Variants in PLXDC1 observed in about 807,000 individuals in gnomAD.
The protein encoded by PLXDC1 is plexin domain containing 1.
In PLXDC1, 39 loss-of-function variants were observed where a neutral mutation model predicts 61.3. The observed-to-expected ratio is 0.64, with a 90% CI of 0.49 to 0.83. The LOEUF is 0.83. Among genes scored for constraint, PLXDC1 ranks in the 40% least tolerant of loss-of-function variants. The pLI, the probability that PLXDC1 is intolerant of heterozygous loss-of-function variation, is 0.00. For missense variants in PLXDC1, 596 were observed against 666.5 expected (o/e 0.89, Z 1.17); for synonymous variants, 212 against 254.5 (o/e 0.83, Z 1.59).
At chr17:39,084,077 C>T (rs115744447) in intron 8 of PLXDC1, among the ~76,000 whole-genome samples, 2,783 of 152,218 alleles carry the variant, frequency 0.018, 84 homozygotes, top group African/African-American at 0.064. Flanking sequence ...AGAACTGTCA[C>T]GAGGTCTATG....
At chr17:39,092,433 G>A (rs1044196737) in intron 7 of PLXDC1, among the ~76,000 whole-genome samples, 7 of 152,192 alleles carry the variant, frequency 4.6e-5, no homozygotes, top group African/African-American at 1.4e-4. Flanking sequence ...CTACTTAAAC[G>A]AGAAAACTAC....
chr17:39,136,394 G>T (rs1347478234), intron 2 of PLXDC1, among the ~76,000 whole-genome samples: 2 of 152,144 alleles, frequency 1.3e-5, no homozygotes, highest in Non-Finnish European at 2.9e-5. Flanking sequence ...ATAATATTTT[G>T]ATGAACAGAA....
At chr17:39,113,728 G>A (rs1319481585) in intron 2 of PLXDC1, among the ~76,000 whole-genome samples, 1 of 152,082 alleles carries the variant, frequency 6.6e-6, no homozygotes, top group Non-Finnish European at 1.5e-5. Context: ...GTGCATGCCT[G>A]TAGTCCCAGC....
chr17:39,068,918 T>C (rs1423571950), intron 13 of PLXDC1, among the ~76,000 whole-genome samples: 1 of 152,160 alleles, frequency 6.6e-6, no homozygotes, highest in Non-Finnish European at 1.5e-5. Flanking sequence ...GGGGAACTCG[T>C]AAGAAGCCAG....
At chr17:39,087,731 G>A in intron 7 of PLXDC1, 29 bp from the exon 8 acceptor site, 1 of 1,551,432 alleles carries the variant, frequency 6.4e-7, no homozygotes, top group African/African-American at 1.4e-5. Flanking sequence ...CTGTTGTCAG[G>A]AGCATATCAC....
At chr17:39,106,648 CTTTCTTTTTTT>C (rs1910601321) in intron 6 of PLXDC1, among the ~76,000 whole-genome samples, 1 of 122,592 alleles carries the variant, frequency 8.2e-6, no homozygotes, top group Admixed American at 8.4e-5. Context: ...TTTTCTTTTT[CTTTCTTTTTTT>C]TTTTTTTTGA....
intron 2 of PLXDC1, among the ~76,000 whole-genome samples, chr17:39,113,833 C>T (rs1461718025): frequency 1.4e-5 from 2 of 143,562 alleles, no homozygotes; most frequent in South Asian, 2.3e-4. Context: ...CTGAGTGACA[C>T]AGTGAGACTC....
chr17:39,139,640 CCT>C lies in PLXDC1; in HGVS notation c.255+12_255+13del. 11 of 1,509,284 alleles carry C rather than the reference CCT, an allele frequency of 7.3e-6. No homozygotes were observed. Among genetic ancestry groups the C allele is most frequent in the Non-Finnish European group, 1.0e-5 (11 of 1,103,836 alleles). The allele number at this position is 1,509,284 out of a possible 1,614,324, so 93.5% of individuals were successfully genotyped here. ...CCCCACTTCGCTCCCCCTCCATGTTCCTCCAGCACTCACCACCACCCTGGTCC... is the reference window on the plus strand; with the variant it reads ...CCCCACTTCGCTCCCCCTCCATGTTCCCAGCACTCACCACCACCCTGGTCC... On this transcript the variant is annotated intron_variant, in intron 2 of 13. Coordinates refer to ENST00000315392, the MANE Select transcript of PLXDC1 (RefSeq NM_020405.5).
rs149079440 is a variant in PLXDC1, at chr17:39,147,358, A to G, written c.76+4004T>C. Among the ~76,000 whole-genome samples, 524 of 152,220 alleles carry G rather than the reference A, an allele frequency of 3.4e-3. 10 individuals are homozygous for G. The highest frequency in any genetic ancestry group is 0.028 in the Admixed American group (421 of 15,292). On this transcript the variant is annotated intron_variant, in intron 1 of 13. Transcript: ENST00000315392. The stretch of plus-strand genomic sequence containing the variant: ...TTGGCCACCCCACCCCAAACCCCAT[A>G]AAACCTCTAGCCCCAAATGCTGCCC...
At chr17:39,150,760 C>A (rs948813952) in intron 1 of PLXDC1, among the ~76,000 whole-genome samples, 1 of 152,136 alleles carries the variant, frequency 6.6e-6, no homozygotes, top group Non-Finnish European at 1.5e-5. Flanking sequence ...AGGAGGGGGA[C>A]TCTTGAGGCT....
chr17:39,146,175 A>G (rs1343858753), intron 1 of PLXDC1, among the ~76,000 whole-genome samples: 1 of 151,614 alleles, frequency 6.6e-6, no homozygotes, highest in African/African-American at 2.4e-5. Flanking sequence ...GGTTCAAGCA[A>G]TTCTCCTGCC....
intron 2 of PLXDC1, chr17:39,126,943 C>T (rs962464163): frequency 2.6e-5 from 4 of 152,116 alleles, no homozygotes; most frequent in African/African-American, 7.2e-5. Flanking sequence ...CTGAGGACTC[C>T]GACATTCCAC....
intron 7 of PLXDC1, among the ~76,000 whole-genome samples, chr17:39,094,911 C>T (rs1910092733): frequency 6.6e-6 from 1 of 152,174 alleles, no homozygotes; most frequent in African/African-American, 2.4e-5. Flanking sequence ...AGGATTTCTC[C>T]ACCTGCAAGG....
At chr17:39,074,705 C>T (rs1263741804) in intron 11 of PLXDC1, among the ~76,000 whole-genome samples, 1 of 152,166 alleles carries the variant, frequency 6.6e-6, no homozygotes, top group East Asian at 1.9e-4. Flanking sequence ...ACTGTGCCTC[C>T]ACCAGACACT....
chr17:39,151,114 T>C lies in PLXDC1; in HGVS notation c.76+248A>G, dbSNP rs565412188. Among the ~76,000 whole-genome samples, 10 of 152,248 alleles carry C rather than the reference T, an allele frequency of 6.6e-5. No homozygotes were observed. In the East Asian group the frequency reaches 1.4e-3, roughly 21 times the overall value. Reference sequence around the variant, plus strand: ...ATAGAGCCCCCTCTCCTAAGGTCCCTCCAGTATCCTTCCAGGAGAGAAGGA... The same window carrying C: ...ATAGAGCCCCCTCTCCTAAGGTCCCCCCAGTATCCTTCCAGGAGAGAAGGA... On this transcript the variant is annotated intron_variant, in intron 1 of 13. Transcript: ENST00000315392. The surrounding 1 kb of genome is among the most constrained non-coding windows in gnomAD (Gnocchi z 5.2).
At chr17:39,129,733 G>GAAAGAAAGAAAGAAAGA (rs1555573394) in intron 2 of PLXDC1, among the ~76,000 whole-genome samples, 18 of 130,594 alleles carry the variant, frequency 1.4e-4, no homozygotes, top group Middle Eastern at 3.9e-3. Flanking sequence ...AGAAAGAAAA[G>GAAAGAAAGAAAGAAAGA]AAAGAAAGGA....
At chr17:39,134,544 A>C (rs563583623) in intron 2 of PLXDC1, among the ~76,000 whole-genome samples, 3 of 151,374 alleles carry the variant, frequency 2.0e-5, no homozygotes, top group African/African-American at 7.3e-5. Flanking sequence ...GAGAATTGCT[A>C]GAACCCGGGA....
intron 9 of PLXDC1, among the ~76,000 whole-genome samples, chr17:39,082,011 A>G (rs1237458044): frequency 6.6e-6 from 1 of 152,216 alleles, no homozygotes; most frequent in Admixed American, 6.5e-5. Flanking sequence ...CCTGAATCAC[A>G]TGACCCCAGC....
At chr17:39,090,041 T>C (rs1382587678) in intron 7 of PLXDC1, among the ~76,000 whole-genome samples, 2 of 152,088 alleles carry the variant, frequency 1.3e-5, no homozygotes, top group African/African-American at 2.4e-5. Context: ...TCAGGTGATA[T>C]GCCTGCCTGA....
Sources: allele counts gnomAD v4.1 joint callset (sites outside exome capture counted in the v4.1 genomes callset), GRCh38; gene constraint gnomAD v4.1.1; non-coding constraint Gnocchi (gnomAD v3.1); transcripts MANE v1.5; gene names NCBI Gene and HGNC (gene_info 2026-07-23, HGNC 2026-07-21).